The following SHMT1 variants were observed in gnomAD, a reference collection of about 807,000 sequenced individuals.
SHMT1 encodes serine hydroxymethyltransferase, cytosolic.
In SHMT1, 45 loss-of-function variants were observed where a neutral mutation model predicts 49.0. That is an observed-to-expected ratio of 0.92 (90% CI 0.72 to 1.18). The LOEUF (loss-of-function observed/expected upper bound fraction) is 1.18. SHMT1 is among the 50% of genes most tolerant of loss of function. The pLI is 0.00. For missense variants in SHMT1, 541 were observed against 612.4 expected (o/e 0.88, Z 1.23); for synonymous variants, 232 against 246.6 (o/e 0.94, Z 0.55).
At chr17:18,330,914 T>C (rs1598012391) in intron 9 of SHMT1, 2 of 529,632 alleles carry the variant, frequency 3.8e-6, no homozygotes, top group East Asian at 7.3e-5. Context: ...GACACTCCCA[T>C]GGGGAAGGGA....
intron 1 of SHMT1, among the ~76,000 whole-genome samples, chr17:18,361,753 T>C (rs2151614653): frequency 6.7e-6 from 1 of 149,860 alleles, no homozygotes; most frequent in South Asian, 2.1e-4. Context: ...GCCACTGCTC[T>C]CCGGCCTGGG....
intron 1 of SHMT1, among the ~76,000 whole-genome samples, chr17:18,361,496 G>T (rs12451308): frequency 6.9e-6 from 1 of 145,762 alleles, no homozygotes; most frequent in Non-Finnish European, 1.5e-5. Flanking sequence ...AAACAAAAAA[G>T]AAAAAAGGGG....
intron 1 of SHMT1, among the ~76,000 whole-genome samples, chr17:18,359,133 G>C (rs1045898990): frequency 1.3e-5 from 2 of 151,882 alleles, no homozygotes; most frequent in South Asian, 4.2e-4. Context: ...AGCTACTTGG[G>C]AGGCTGAGGC....
At chr17:18,354,768 G>A (rs1378028989) in intron 2 of SHMT1, among the ~76,000 whole-genome samples, 2 of 151,824 alleles carry the variant, frequency 1.3e-5, no homozygotes, top group African/African-American at 4.8e-5. Context: ...GGCCGGGCGT[G>A]GTGGCTCACG....
chr17:18,330,803 C>G (rs1400806522), intron 9 of SHMT1, 132 bp from the exon 10 acceptor site: 2 of 711,484 alleles, frequency 2.8e-6, no homozygotes, highest in East Asian at 5.4e-5. Flanking sequence ...CACCACATGG[C>G]CTGGGATTCT....
intron 1 of SHMT1, among the ~76,000 whole-genome samples, chr17:18,361,494 A>C (rs965707660): frequency 2.0e-5 from 3 of 151,028 alleles, no homozygotes; most frequent in African/African-American, 7.3e-5. Flanking sequence ...AAAAACAAAA[A>C]AGAAAAAAGG....
Position 18,340,827 on chromosome 17 carries a change from G to C in SHMT1, c.520-14C>G. The C allele has an allele frequency of 6.2e-7, 1 of 1,609,668 alleles. No homozygotes were observed. Among genetic ancestry groups the C allele is most frequent in the Non-Finnish European group, 8.5e-7 (1 of 1,177,552 alleles). ...ATCTGGGTTCACCTGTGGAATGTCA[G>C]GGAGGCAGGTTCAGGCTGCTTCCTC... is the stretch of plus-strand genomic sequence containing the variant. On this transcript the variant is annotated splice_polypyrimidine_tract_variant and intron_variant, in intron 5 of 11. Coordinates refer to ENST00000316694, the MANE Select transcript of SHMT1 (RefSeq NM_004169.5). The surrounding 1 kb of genome is among the most constrained non-coding windows in gnomAD (Gnocchi z 4.5).
At chr17:18,329,052 C>A in intron 11 of SHMT1, 133 bp from the exon 12 acceptor site, 1 of 1,173,800 alleles carries the variant, frequency 8.5e-7, no homozygotes. Context: ...TCCATGCTTA[C>A]CTCAATTACT....
chr17:18,330,603 T>C lies in SHMT1; in HGVS notation c.1123A>G (p.Lys375Glu). 1 of 1,614,144 alleles carries C rather than the reference T, an allele frequency of 6.2e-7. No homozygotes were observed. The highest frequency in any genetic ancestry group is 8.5e-7 in the Non-Finnish European group (1 of 1,180,000). ...SKGTDGGRAE[K>E]VLEACSIACN... ...GCAATAGAACAGGCTTCTAGCACCT[T>C]CTCAGCCCTTCCACCATCTGTGCCT... The change falls in exon 10 of 12, where the codon AAG becomes GAG. Residue 375 changes from lysine (K) to glutamate (E), a missense_variant. Coordinates refer to ENST00000316694, the MANE Select transcript of SHMT1 (RefSeq NM_004169.5).
At chr17:18,356,075 G>A in intron 1 of SHMT1, 75 bp from the exon 2 acceptor site, 1 of 738,556 alleles carries the variant, frequency 1.4e-6, no homozygotes, top group Non-Finnish European at 2.2e-6. Flanking sequence ...ATTTATTTTT[G>A]AGATGTAGTC....
At chr17:18,337,763 G>A (rs946431483) in intron 7 of SHMT1, among the ~76,000 whole-genome samples, 2 of 152,210 alleles carry the variant, frequency 1.3e-5, no homozygotes, top group African/African-American at 2.4e-5. Flanking sequence ...TGGTGGAGAC[G>A]GGGTTTTGCT....
At chr17:18,332,121 T>C (rs1983278577) in intron 9 of SHMT1, 2 of 152,256 alleles carry the variant, frequency 1.3e-5, no homozygotes, top group Admixed American at 1.3e-4. Flanking sequence ...AAACCAGTAC[T>C]AGTCCGTGGC....
intron 3 of SHMT1, among the ~76,000 whole-genome samples, chr17:18,350,473 TC>T (rs1985568685): frequency 6.6e-6 from 1 of 150,914 alleles, no homozygotes; most frequent in Non-Finnish European, 1.5e-5. Context: ...CAGCAAGACC[TC>T]ATGTCTATTA....
chr17:18,340,816 G>A lies in SHMT1; in HGVS notation c.520-3C>T, dbSNP rs1038276042. The A allele has an allele frequency of 6.2e-7, 1 of 1,612,306 alleles. No individual in the cohort carries two copies. Among genetic ancestry groups the A allele is most frequent in the African/African-American group, 1.3e-5 (1 of 74,896 alleles). ...ATGTAGCCAGTATCTGGGTTCACCT[G>A]TGGAATGTCAGGGAGGCAGGTTCAG... is the stretch of plus-strand genomic sequence containing the variant. On this transcript the variant is annotated splice_region_variant and splice_polypyrimidine_tract_variant and intron_variant, in intron 5 of 11. Coordinates refer to ENST00000316694, the MANE Select transcript of SHMT1 (RefSeq NM_004169.5). The surrounding 1 kb of genome is among the most constrained non-coding windows in gnomAD (Gnocchi z 4.5).
rs764492894 is a variant in SHMT1, at chr17:18,340,655, G to A, written c.601+77C>T. 2.1e-5 allele frequency: 28 copies of A among 1,326,912 alleles called. No homozygotes were observed. Among genetic ancestry groups the A allele is most frequent in the Admixed American group, 3.9e-5 (2 of 51,436 alleles). The allele number at this position is 1,326,912 out of a possible 1,614,324, so 82.2% of individuals were successfully genotyped here. ...ACTAGCAGTGGGCTCAACAGGGTGC[G>A]AACATCTTTCCATCCTCATTCTGTA... On this transcript the variant is annotated intron_variant, in intron 6 of 11. Coordinates refer to ENST00000316694, the MANE Select transcript of SHMT1 (RefSeq NM_004169.5). This position sits in a 1 kb window ranked among gnomAD's most constrained non-coding sequence, Gnocchi z 4.5.
At chr17:18,333,819 GC>G (rs1171951373) in intron 8 of SHMT1, among the ~76,000 whole-genome samples, 1 of 152,084 alleles carries the variant, frequency 6.6e-6, no homozygotes, top group Non-Finnish European at 1.5e-5. Context: ...CACTCCCATT[GC>G]CCAGGCTGGA....
intron 2 of SHMT1, among the ~76,000 whole-genome samples, chr17:18,355,050 C>CAAAAA (rs768492183): frequency 3.7e-4 from 9 of 24,464 alleles, no homozygotes; most frequent in African/African-American, 1.2e-3. Flanking sequence ...GACTATATCT[C>CAAAAA]AAAAAAAAAA....
chr17:18,350,261 G>A (rs1303028815), intron 3 of SHMT1, among the ~76,000 whole-genome samples: 1 of 151,910 alleles, frequency 6.6e-6, no homozygotes, highest in East Asian at 1.9e-4. Flanking sequence ...AACCCGGGAG[G>A]TGGAGCTTGT....
rs779909638 is a variant in SHMT1 at position 18,356,009 on chromosome 17, A to C, written c.-19-9T>G. ...CACTGGTTCGAAGCTGCCTAAAAAA[A>C]TGGGAAAAACATGTGTAGCTTCCAG... On this transcript the variant is annotated splice_polypyrimidine_tract_variant and intron_variant, in intron 1 of 11. Transcript: ENST00000316694. 5.6e-6 allele frequency: 8 copies of C among 1,418,204 alleles called. No individual in the cohort carries two copies. The highest frequency in any genetic ancestry group is 1.2e-5 in the South Asian group (1 of 86,276). 87.9% of individuals were successfully genotyped at this position (1,418,204 alleles called of 1,614,324 possible). A position where few individuals can be genotyped will look rare whatever the true frequency, so the allele number is the denominator to read the frequency against.
Sources: gnomAD v4.1 joint callset for allele counts (sites outside exome capture counted in the v4.1 genomes callset) on GRCh38, gnomAD v4.1.1 for gene constraint, Gnocchi (gnomAD v3.1) non-coding constraint, MANE v1.5 for transcripts, NCBI Gene and HGNC (gene_info 2026-07-23, HGNC 2026-07-21) for gene names.